Variants in TMEM132D observed in about 807,000 individuals in gnomAD.
TMEM132D encodes mature OL transmembrane protein.
A neutral mutation model predicts 62.3 loss-of-function variants in TMEM132D; 21 were observed. The observed-to-expected ratio is 0.34, with a 90% CI of 0.24 to 0.49. The LOEUF (loss-of-function observed/expected upper bound fraction) is 0.49, where lower values mean the gene tolerates loss of function less well. Ranked by LOEUF, TMEM132D falls within the 20% of genes least tolerant of loss-of-function variation. The pLI is 0.99. For synonymous variants in TMEM132D, 621 were observed against 575.6 expected (o/e 1.08, Z -1.13); for missense variants, 1,346 against 1,402.8 (o/e 0.96, Z 0.65).
chr12:129,431,195 T>C (rs1872645485), intron 3 of TMEM132D, among the ~76,000 whole-genome samples: 1 of 152,226 alleles, frequency 6.6e-6, no homozygotes, highest in Admixed American at 6.5e-5. Flanking sequence ...CTCCTGCCAT[T>C]ATTCCCTGTT....
At position 129,140,214 on chromosome 12, in the gene TMEM132D, C is replaced by CCACACACACACA. The variant is rs58179230; in HGVS notation, c.1444-55524_1444-55513dup. On this transcript the variant is annotated intron_variant, in intron 5 of 8. Transcript: ENST00000422113. ...TCAAGGGAGATTTTAGGCGCTGTTA[C>CCACACACACACA]CACACACACACACACACACACACAC... Among the ~76,000 whole-genome samples, 1,163 of 148,646 alleles carry CCACACACACACA rather than the reference C, an allele frequency of 7.8e-3. 13 individuals are homozygous for CCACACACACACA. Among genetic ancestry groups the CCACACACACACA allele is most frequent in the Middle Eastern group, 0.024 (7 of 292 alleles).
intron 3 of TMEM132D, among the ~76,000 whole-genome samples, chr12:129,340,528 A>G (rs1048109282): frequency 2.7e-4 from 41 of 151,572 alleles, no homozygotes; most frequent in African/African-American, 9.0e-4. Flanking sequence ...TCATTGTTCA[A>G]TTCCCACCTA....
At chr12:129,152,951 T>C (rs952669642) in intron 5 of TMEM132D, among the ~76,000 whole-genome samples, 5 of 152,154 alleles carry the variant, frequency 3.3e-5, no homozygotes, top group African/African-American at 1.2e-4. Flanking sequence ...AGCTGAGTCC[T>C]TCCCATCCCT....
At chr12:129,529,762 C>T (rs1479062571) in intron 3 of TMEM132D, among the ~76,000 whole-genome samples, 3 of 152,198 alleles carry the variant, frequency 2.0e-5, no homozygotes, top group Admixed American at 6.5e-5. Context: ...TTCCTCCATC[C>T]GTCTACCCAT....
At chr12:129,750,366 T>C (rs1267430706) in intron 1 of TMEM132D, among the ~76,000 whole-genome samples, 1 of 152,192 alleles carries the variant, frequency 6.6e-6, no homozygotes, top group African/African-American at 2.4e-5. Flanking sequence ...ATTACAGGCG[T>C]GAGCTACCGC....
chr12:129,724,891 G>T lies in TMEM132D; in HGVS notation c.80-24193C>A, dbSNP rs532332927. On this transcript the variant is annotated intron_variant, in intron 1 of 8. Coordinates refer to ENST00000422113, the MANE Select transcript of TMEM132D (RefSeq NM_133448.3). ...CGGCAATAGGAAATTATACAGCTAG[G>T]CACACGGGAAGATAGCATTGTGAAG... Among the ~76,000 whole-genome samples the T allele has an allele frequency of 1.2e-4, 18 of 152,302 alleles. No homozygotes were observed. In the South Asian group the frequency reaches 3.1e-3, roughly 26 times the overall value.
At chr12:129,341,248 G>A (rs1255648347) in intron 3 of TMEM132D, among the ~76,000 whole-genome samples, 2 of 152,150 alleles carry the variant, frequency 1.3e-5, no homozygotes, top group Non-Finnish European at 2.9e-5. Flanking sequence ...TTATCTTGTT[G>A]CATTTTGTGC....
chr12:129,196,372 C>A (rs568620406), intron 5 of TMEM132D, among the ~76,000 whole-genome samples: 1 of 152,298 alleles, frequency 6.6e-6, no homozygotes, highest in Non-Finnish European at 1.5e-5. Context: ...TTTAAATTAT[C>A]TCCTGCCTCT....
chr12:129,499,555 C>T (rs1875063801), intron 3 of TMEM132D, among the ~76,000 whole-genome samples: 1 of 152,216 alleles, frequency 6.6e-6, no homozygotes, highest in Admixed American at 6.5e-5. Flanking sequence ...CATAGGGACA[C>T]ATACACTGAG....
At chr12:129,188,628 G>T (rs1054741667) in intron 5 of TMEM132D, among the ~76,000 whole-genome samples, 1 of 152,098 alleles carries the variant, frequency 6.6e-6, no homozygotes, top group African/African-American at 2.4e-5. Context: ...TAGCTGTCAG[G>T]CACAGGTGTG....
chr12:129,263,080 G>A (rs1048010969), intron 4 of TMEM132D, among the ~76,000 whole-genome samples: 3 of 152,096 alleles, frequency 2.0e-5, no homozygotes, highest in Non-Finnish European at 4.4e-5. Flanking sequence ...GGTTACCGTG[G>A]GCTGGCTGTG....
At chr12:129,507,859 A>G (rs1875384138) in intron 3 of TMEM132D, among the ~76,000 whole-genome samples, 1 of 152,188 alleles carries the variant, frequency 6.6e-6, no homozygotes, top group African/African-American at 2.4e-5. Flanking sequence ...ACCTATGGAA[A>G]CAAAAAACAT....
At chr12:129,717,155 C>A (rs1418766441) in intron 1 of TMEM132D, among the ~76,000 whole-genome samples, 2 of 152,222 alleles carry the variant, frequency 1.3e-5, no homozygotes. Context: ...ACCTGAACAA[C>A]CGTACACGAC....
At chr12:129,531,425 T>G (rs1185037798) in intron 2 of TMEM132D, among the ~76,000 whole-genome samples, 1 of 152,226 alleles carries the variant, frequency 6.6e-6, no homozygotes, top group Non-Finnish European at 1.5e-5. Context: ...GATGGTAGAC[T>G]GACAGCCAGC....
At chr12:129,800,848 G>A (rs1871749904) in intron 1 of TMEM132D, among the ~76,000 whole-genome samples, 3 of 152,162 alleles carry the variant, frequency 2.0e-5, no homozygotes, top group Admixed American at 1.3e-4. Context: ...GCACAGCTCA[G>A]TGGGTGCGCG....
chr12:129,840,672 T>G (rs1012109984), intron 1 of TMEM132D: 1 of 152,206 alleles, frequency 6.6e-6, no homozygotes, highest in Non-Finnish European at 1.5e-5. Context: ...AGGCTCCCAG[T>G]GCGGCCGCCC....
chr12:129,152,131 C>A (rs954842508), intron 5 of TMEM132D, among the ~76,000 whole-genome samples: 1 of 152,200 alleles, frequency 6.6e-6, no homozygotes, highest in Non-Finnish European at 1.5e-5. Context: ...CTACCCCCGC[C>A]TTGGCCTCCC....
intron 3 of TMEM132D, among the ~76,000 whole-genome samples, chr12:129,514,469 C>T (rs1875614828): frequency 6.6e-6 from 1 of 152,154 alleles, no homozygotes; most frequent in South Asian, 2.1e-4. Context: ...CATTGAAGGG[C>T]TAGATTTTTA....
chr12:129,776,481 AC>A (rs1367858944), intron 1 of TMEM132D, among the ~76,000 whole-genome samples: 3 of 151,786 alleles, frequency 2.0e-5, no homozygotes, highest in Non-Finnish European at 2.9e-5. Context: ...TCCCAAGGCA[AC>A]TCTTTTCTGG....
Sources: gnomAD v4.1 joint callset for allele counts (sites outside exome capture counted in the v4.1 genomes callset) on GRCh38, gnomAD v4.1.1 for gene constraint, MANE v1.5 for transcripts, NCBI Gene and HGNC (gene_info 2026-07-23, HGNC 2026-07-21) for gene names.